Variants in CDH19 observed in about 807,000 individuals in gnomAD.
CDH19 encodes the protein cadherin-19.
CDH19 carries 67 observed loss-of-function variants against 64.2 expected under a neutral mutation model. The ratio of observed to expected loss-of-function variants is 1.04; its 90% CI spans 0.86 to 1.28. CDH19 has a LOEUF of 1.28. Among genes scored for constraint, CDH19 ranks in the 50% most tolerant of loss-of-function variants. CDH19 has a pLI of 0.00. For synonymous variants in CDH19, 346 were observed against 319.3 expected, an observed-to-expected ratio of 1.08 and a Z score of -0.89; for missense variants, 1,030 against 929.0, an observed-to-expected ratio of 1.11 and a Z score of -1.41.
At position 66,502,477 on chromosome 18, in the gene CDH19, C is replaced by T. The variant is rs778598617; in HGVS notation, c.*2335G>A. On this transcript the variant is annotated 3_prime_UTR_variant, in exon 12 of 12. Transcript: ENST00000262150. Reference sequence around the variant, plus strand: ...AAGGCTTTTATTCATACAAAATTTCCGTCATCTCCAGAAAGCCTTATTTAC... The same window carrying T: ...AAGGCTTTTATTCATACAAAATTTCTGTCATCTCCAGAAAGCCTTATTTAC... 11 of 151,874 alleles carry T rather than the reference C, an allele frequency of 7.2e-5. No homozygotes were observed. Among genetic ancestry groups the T allele is most frequent in the Non-Finnish European group, 1.5e-4 (10 of 67,914 alleles). 9.4% of individuals were successfully genotyped at this position (151,874 alleles called of 1,614,324 possible). A position where few individuals can be genotyped will look rare whatever the true frequency, so the allele number is the denominator to read the frequency against.
At chr18:66,571,252 T>A (rs746144485) in intron 2 of CDH19, among the ~76,000 whole-genome samples, 4 of 151,636 alleles carry the variant, frequency 2.6e-5, no homozygotes, top group Non-Finnish European at 5.9e-5. Context: ...ATGCTAACAC[T>A]GCAGCTCTCC....
At chr18:66,541,373 C>A (rs373213035) in intron 7 of CDH19, among the ~76,000 whole-genome samples, 3 of 152,064 alleles carry the variant, frequency 2.0e-5, no homozygotes, top group South Asian at 2.1e-4. Flanking sequence ...ATAGCTCTTA[C>A]CATGCAGTGA....
chr18:66,517,509 T>A (rs2144368277), intron 9 of CDH19, among the ~76,000 whole-genome samples: 1 of 152,192 alleles, frequency 6.6e-6, no homozygotes, highest in African/African-American at 2.4e-5. Context: ...TCTCTCCTAC[T>A]CTTCCCCACC....
rs144243808 is a variant in CDH19, at chr18:66,603,040, A to T, written c.-113+914T>A. On this transcript the variant is annotated intron_variant, in intron 1 of 11. Coordinates refer to ENST00000262150, the MANE Select transcript of CDH19 (RefSeq NM_021153.4). ...AATTTTCAAATATTTTATCTAAATAATGTCTTTCTTACAGATATATTAATT... is the reference window on the plus strand; with the variant it reads ...AATTTTCAAATATTTTATCTAAATATTGTCTTTCTTACAGATATATTAATT... Among the ~76,000 whole-genome samples the T allele has an allele frequency of 3.6e-3, 542 of 151,228 alleles. 5 individuals carry two copies. The highest frequency in any genetic ancestry group is 0.012 in the African/African-American group (511 of 41,516).
intron 7 of CDH19, among the ~76,000 whole-genome samples, chr18:66,537,164 G>GT (rs954677409): frequency 4.0e-5 from 6 of 151,622 alleles, no homozygotes; most frequent in South Asian, 2.1e-4. Flanking sequence ...GGATTTCACT[G>GT]TTTTTTTTCC....
intron 3 of CDH19, among the ~76,000 whole-genome samples, chr18:66,567,236 TA>T (rs1165239870): frequency 6.6e-6 from 1 of 151,490 alleles, no homozygotes; most frequent in Non-Finnish European, 1.5e-5. Flanking sequence ...CATCATAATA[TA>T]TGCAAGAAGA....
intron 7 of CDH19, among the ~76,000 whole-genome samples, chr18:66,540,213 T>G (rs1986835711): frequency 6.6e-6 from 1 of 152,196 alleles, no homozygotes; most frequent in Admixed American, 6.5e-5. Flanking sequence ...TGATCTAATC[T>G]TTTTATTTCC....
At chr18:66,551,049 CT>C (rs760207536) in intron 5 of CDH19, 44 bp downstream of exon 5, 1 of 1,066,506 alleles carries the variant, frequency 9.4e-7, no homozygotes, top group African/African-American at 1.6e-5. Flanking sequence ...ATTTAACACA[CT>C]CATATTTATA....
chr18:66,593,078 T>C (rs540437651), intron 1 of CDH19, among the ~76,000 whole-genome samples: 58 of 152,026 alleles, frequency 3.8e-4, no homozygotes, highest in African/African-American at 1.3e-3. Flanking sequence ...TTTTAGACTT[T>C]TTGATAATGG....
intron 7 of CDH19, among the ~76,000 whole-genome samples, chr18:66,536,326 C>A (rs1251410389): frequency 1.3e-5 from 2 of 151,686 alleles, no homozygotes; most frequent in Non-Finnish European, 3.0e-5. Context: ...CAATAGAAAT[C>A]ACGAGGAATT....
intron 2 of CDH19, among the ~76,000 whole-genome samples, chr18:66,571,046 C>A (rs953510072): frequency 2.6e-5 from 4 of 151,254 alleles, no homozygotes; most frequent in African/African-American, 7.3e-5. Context: ...TAGTCTGAGT[C>A]GAAAATAAAA....
At chr18:66,589,400 A>G (rs1291172281) in intron 1 of CDH19, among the ~76,000 whole-genome samples, 1 of 151,888 alleles carries the variant, frequency 6.6e-6, no homozygotes, top group Non-Finnish European at 1.5e-5. Context: ...TTAAGAAGAT[A>G]TAGTTTCACT....
At chr18:66,570,858 C>A (rs914495781) in intron 2 of CDH19, among the ~76,000 whole-genome samples, 2 of 151,522 alleles carry the variant, frequency 1.3e-5, no homozygotes, top group Non-Finnish European at 3.0e-5. Context: ...GATGCACTTC[C>A]CTATAACACC....
At chr18:66,579,676 G>A (rs1450216641) in intron 1 of CDH19, among the ~76,000 whole-genome samples, 1 of 152,022 alleles carries the variant, frequency 6.6e-6, no homozygotes, top group Admixed American at 6.6e-5. Flanking sequence ...TAGAACTAGT[G>A]TAAAATGTGG....
chr18:66,534,971 CAAAT>C lies in CDH19; in HGVS notation c.1336+11_1336+14del, dbSNP rs766041209. ...TATGGCAAACAACTGTATTGGATTT[CAAAT>C]GAGTACTTACATTTTTCTGTGGCTG... On this transcript the variant is annotated intron_variant, in intron 8 of 11. Transcript: ENST00000262150. The C allele has an allele frequency of 2.3e-5, 33 of 1,429,588 alleles. No individual in the cohort carries two copies. The highest frequency in any genetic ancestry group is 3.1e-5 in the Non-Finnish European group (33 of 1,071,046). The allele number at this position is 1,429,588 out of a possible 1,614,324, so 88.6% of individuals were successfully genotyped here. A position where few individuals can be genotyped will look rare whatever the true frequency, so the allele number is the denominator to read the frequency against.
chr18:66,602,256 A>G (rs1210596929), intron 1 of CDH19, among the ~76,000 whole-genome samples: 2 of 152,008 alleles, frequency 1.3e-5, no homozygotes, highest in Non-Finnish European at 2.9e-5. Context: ...TTTAAACATA[A>G]CATATATTTA....
chr18:66,521,025 A>C (rs1275068234), intron 9 of CDH19, among the ~76,000 whole-genome samples: 3 of 152,046 alleles, frequency 2.0e-5, no homozygotes, highest in African/African-American at 7.2e-5. Context: ...TATTATTCTT[A>C]AATAAAATTT....
At chr18:66,583,080 T>A (rs1197715276) in intron 1 of CDH19, among the ~76,000 whole-genome samples, 1 of 152,092 alleles carries the variant, frequency 6.6e-6, no homozygotes, top group East Asian at 1.9e-4. Context: ...GTATTGAAGA[T>A]TTGCCTAAAA....
rs763561678 is a variant in CDH19 at position 66,530,009 on chromosome 18, T to C, written c.1337-43A>G. Reference sequence around the variant, plus strand: ...ATAATAAAAATCTAACATATTTTAATATGTCTTTAGAAGAGACATCATTAA... The same window carrying C: ...ATAATAAAAATCTAACATATTTTAACATGTCTTTAGAAGAGACATCATTAA... On this transcript the variant is annotated intron_variant, in intron 8 of 11. Coordinates refer to ENST00000262150, the MANE Select transcript of CDH19 (RefSeq NM_021153.4). 4 of 1,061,902 alleles carry C rather than the reference T, an allele frequency of 3.8e-6. No homozygotes were observed. In the Admixed American group the frequency reaches 7.6e-5, roughly 20 times the overall value. The allele number at this position is 1,061,902 out of a possible 1,614,324, so 65.8% of individuals were successfully genotyped here.
Sources: gnomAD v4.1 joint callset for allele counts (sites outside exome capture counted in the v4.1 genomes callset) on GRCh38, gnomAD v4.1.1 for gene constraint, MANE v1.5 for transcripts, NCBI Gene and HGNC (gene_info 2026-07-23, HGNC 2026-07-21) for gene names.